ARHGAP42: variants seen among roughly 807,000 people sequenced by gnomAD.
ARHGAP42 encodes Rho GTPase activating protein 42.
Under a neutral mutation model 125.0 loss-of-function variants are expected in ARHGAP42, and 63 were observed. The ratio of observed to expected loss-of-function variants is 0.50; its 90% CI spans 0.41 to 0.62. ARHGAP42 has a LOEUF of 0.62. Ranked by LOEUF, ARHGAP42 falls within the 20% of genes least tolerant of loss-of-function variation. The pLI is 0.00. For synonymous variants in ARHGAP42, 339 were observed against 351.0 expected, an observed-to-expected ratio of 0.97 and a Z score of 0.38; for missense variants, 766 against 1,024.2, an observed-to-expected ratio of 0.75 and a Z score of 3.44.
intron 3 of ARHGAP42, among the ~76,000 whole-genome samples, chr11:100,837,666 C>CTAT (rs1555008871): frequency 3.3e-5 from 2 of 61,068 alleles, no homozygotes; most frequent in East Asian, 1.2e-3. Flanking sequence ...AGGTGTCATC[C>CTAT]TTTTTTTTTT....
intron 3 of ARHGAP42, among the ~76,000 whole-genome samples, chr11:100,821,049 C>G (rs924040949): frequency 1.1e-4 from 16 of 151,750 alleles, no homozygotes; most frequent in African/African-American, 3.4e-4. Flanking sequence ...CTGACTTAGC[C>G]TTGGAGGAAG....
chr11:100,794,408 T>C (rs532758307), intron 2 of ARHGAP42, among the ~76,000 whole-genome samples: 1 of 152,202 alleles, frequency 6.6e-6, no homozygotes, highest in African/African-American at 2.4e-5. Flanking sequence ...TAGGTACAGA[T>C]AGTTTTCTAA....
intron 10 of ARHGAP42, among the ~76,000 whole-genome samples, chr11:100,948,007 T>G (rs1868069828): frequency 6.6e-6 from 1 of 152,088 alleles, no homozygotes; most frequent in Non-Finnish European, 1.5e-5. Flanking sequence ...TCTTTTTACC[T>G]GTTACCTAGT....
At chr11:100,912,238 T>G (rs1035119153) in intron 4 of ARHGAP42, among the ~76,000 whole-genome samples, 2 of 152,148 alleles carry the variant, frequency 1.3e-5, no homozygotes, top group African/African-American at 4.8e-5. Flanking sequence ...AAACTGCAAT[T>G]ACTTCTGCAC....
intron 4 of ARHGAP42, among the ~76,000 whole-genome samples, chr11:100,875,358 G>C (rs1865796103): frequency 6.6e-6 from 1 of 152,116 alleles, no homozygotes; most frequent in Non-Finnish European, 1.5e-5. Context: ...GTTCCTAGGA[G>C]GATTGGGCTA....
At chr11:100,747,977 C>T (rs1862343251) in intron 1 of ARHGAP42, among the ~76,000 whole-genome samples, 1 of 150,794 alleles carries the variant, frequency 6.6e-6, no homozygotes, top group Admixed American at 6.6e-5. Context: ...AAATTCTACC[C>T]CCCACCCCCC....
At chr11:100,936,085 G>T in intron 7 of ARHGAP42, 118 bp from the exon 8 acceptor site, 1 of 1,263,068 alleles carries the variant, frequency 7.9e-7, no homozygotes, top group Non-Finnish European at 1.1e-6. Flanking sequence ...ATTGCACCTG[G>T]TTGACAGAGT....
At position 100,988,995 on chromosome 11, in the gene ARHGAP42, G is replaced by T; in HGVS notation, c.*194G>T. 2.1e-6 allele frequency: 1 copy of T among 487,634 alleles called. No individual in the cohort carries two copies. The highest frequency in any genetic ancestry group is 4.6e-5 in the South Asian group (1 of 21,934). The allele number at this position is 487,634 out of a possible 1,614,324, so 30.2% of individuals were successfully genotyped here. A position where few individuals can be genotyped will look rare whatever the true frequency, so the allele number is the denominator to read the frequency against. On this transcript the variant is annotated 3_prime_UTR_variant, in exon 24 of 24. Transcript: ENST00000298815. ...TTTAAATTGTTGGCCATTCTTTTTT[G>T]GTTGGTTTCTTATTTTAAAATATCT...
intron 3 of ARHGAP42, chr11:100,859,232 T>C (rs1865389313): frequency 4.7e-6 from 1 of 211,766 alleles, no homozygotes; most frequent in Admixed American, 6.0e-5. Flanking sequence ...AGTGTAATTA[T>C]AGGTATTTGT....
rs1245439896 is a variant in ARHGAP42 at position 100,941,870 on chromosome 11, T to C, written c.919T>C (p.Ser307Pro). 3 of 1,532,886 alleles carry C rather than the reference T, an allele frequency of 2.0e-6. No homozygotes were observed. Among genetic ancestry groups the C allele is most frequent in the East Asian group, 4.9e-5 (2 of 40,496 alleles). The allele number at this position is 1,532,886 out of a possible 1,614,324, so 95.0% of individuals were successfully genotyped here. ...TFTMSVSEMKSSGKMNGLVTS... is the reference protein window; with the variant it reads ...TFTMSVSEMKPSGKMNGLVTS... ...TACAATGAGTGTTTCAGAAATGAAA[T>C]CCAGTGGGAAAATGGTGAGTTAGTT... The change falls in exon 9 of 24, where the codon TCC (serine) becomes CCC (proline). Residue 307 changes from serine (S) to proline (P), a missense_variant. Physicochemically the swap from Ser to Pro is moderately conservative, Grantham distance 74 (BLOSUM62 -1). Coordinates refer to ENST00000298815, the MANE Select transcript of ARHGAP42 (RefSeq NM_152432.4).
At chr11:100,791,352 G>A (rs1480574412) in intron 2 of ARHGAP42, among the ~76,000 whole-genome samples, 1 of 152,052 alleles carries the variant, frequency 6.6e-6, no homozygotes, top group Non-Finnish European at 1.5e-5. Flanking sequence ...TTACATTCTT[G>A]TACCTGCTCT....
chr11:100,845,092 T>TAC (rs1555010397), intron 3 of ARHGAP42, among the ~76,000 whole-genome samples: 142 of 151,348 alleles, frequency 9.4e-4, no homozygotes, highest in South Asian at 3.7e-3. Context: ...TATATATATA[T>TAC]ACACACACAC....
chr11:100,966,501 G>A (rs542224498), intron 17 of ARHGAP42, among the ~76,000 whole-genome samples: 110 of 152,132 alleles, frequency 7.2e-4, no homozygotes, highest in African/African-American at 2.6e-3. Context: ...TTCTTACTCT[G>A]GGAACTCAGT....
chr11:100,924,811 T>G (rs1176204994), intron 6 of ARHGAP42, among the ~76,000 whole-genome samples: 1 of 152,056 alleles, frequency 6.6e-6, no homozygotes, highest in Non-Finnish European at 1.5e-5. Context: ...AAAGCATACC[T>G]GAAATCAATT....
intron 3 of ARHGAP42, among the ~76,000 whole-genome samples, chr11:100,859,035 G>A (rs1591244201): frequency 6.6e-6 from 1 of 152,036 alleles, no homozygotes; most frequent in African/African-American, 2.4e-5. Context: ...TACTATTTTA[G>A]TCAGGTTGGA....
intron 1 of ARHGAP42, among the ~76,000 whole-genome samples, chr11:100,724,121 A>G (rs1042383698): frequency 1.3e-5 from 2 of 152,190 alleles, no homozygotes; most frequent in Non-Finnish European, 1.5e-5. Flanking sequence ...ATTATGGGCT[A>G]CATTAATTGA....
intron 8 of ARHGAP42, among the ~76,000 whole-genome samples, 160 bp downstream of exon 8, chr11:100,936,492 C>A (rs982766637): frequency 6.6e-6 from 1 of 152,172 alleles, no homozygotes; most frequent in Non-Finnish European, 1.5e-5. Flanking sequence ...CGTTTTTCCG[C>A]ATTTTGCCAT....
At chr11:100,903,710 ATATATATATATATAT>A (rs1250265272) in intron 4 of ARHGAP42, among the ~76,000 whole-genome samples, 6 of 56,412 alleles carry the variant, frequency 1.1e-4, no homozygotes, top group Non-Finnish European at 1.3e-4. Flanking sequence ...GTCCCTCAAA[ATATATATATATATAT>A]ATATATATAT....
intron 1 of ARHGAP42, among the ~76,000 whole-genome samples, chr11:100,691,298 T>C (rs895702365): frequency 0.017 from 3 of 174 alleles, no homozygotes; most frequent in Non-Finnish European, 0.065. Context: ...CTTTTGCTTA[T>C]TAATTTTTTT....
Sources: allele counts gnomAD v4.1 joint callset (sites outside exome capture counted in the v4.1 genomes callset), GRCh38; gene constraint gnomAD v4.1.1; transcripts MANE v1.5; gene names NCBI Gene and HGNC (gene_info 2026-07-23, HGNC 2026-07-21).